Variants in CSMD1 observed in about 807,000 individuals in gnomAD.
CSMD1 encodes CUB and Sushi multiple domains 1.
CSMD1 carries 213 observed loss-of-function variants against 417.5 expected under a neutral mutation model. That is an observed-to-expected ratio of 0.51 (90% CI 0.46 to 0.57). CSMD1 has a LOEUF of 0.57. Among genes scored for constraint, CSMD1 ranks in the 20% least tolerant of loss-of-function variants. The pLI is 0.00. For synonymous variants in CSMD1, 2,862 were observed against 1,736.8 expected (o/e 1.65, Z -16.11); for missense variants, 6,923 against 4,529.7 (o/e 1.53, Z -15.17).
intron 49 of CSMD1, among the ~76,000 whole-genome samples, chr8:3,065,312 T>C (rs897365944): frequency 1.3e-4 from 19 of 149,486 alleles, no homozygotes; most frequent in Non-Finnish European, 2.4e-4. Context: ...GGTAGATAGA[T>C]AGATAGACAG....
intron 37 of CSMD1, among the ~76,000 whole-genome samples, chr8:3,175,288 T>C (rs1190224345): frequency 6.6e-6 from 1 of 152,178 alleles, no homozygotes; most frequent in Admixed American, 6.5e-5. Context: ...GTTATATTTG[T>C]TTTCTTCCAA....
intron 2 of CSMD1, among the ~76,000 whole-genome samples, chr8:4,615,700 C>T (rs73659170): frequency 0.013 from 1,962 of 152,110 alleles, 46 homozygotes; most frequent in African/African-American, 0.045. Flanking sequence ...ATAAACTGTT[C>T]TGTTAATTTT....
In CSMD1 at chr8:4,767,227, G is replaced by A. The variant is rs187576435; in HGVS notation, c.86-129669C>T. ...CCATAATTTGCAGATGTACACTGTC[G>A]AGTCCCAAATGGATGCAAGGTGAAA... On this transcript the variant is annotated intron_variant, in intron 1 of 69. Transcript: ENST00000635120. 7.6e-4 allele frequency among the ~76,000 whole-genome samples: 115 copies of A among 152,252 alleles called. No individual in the cohort carries two copies. In the East Asian group the frequency reaches 0.02, roughly 26 times the overall value.
At chr8:4,600,760 G>C (rs1248094664) in intron 2 of CSMD1, among the ~76,000 whole-genome samples, 2 of 152,104 alleles carry the variant, frequency 1.3e-5, no homozygotes, top group Non-Finnish European at 2.9e-5. Flanking sequence ...TGGGAACTAA[G>C]GCGTGAGGAT....
intron 3 of CSMD1, among the ~76,000 whole-genome samples, chr8:4,105,498 T>C (rs974890566): frequency 2.0e-5 from 3 of 152,304 alleles, no homozygotes; most frequent in Middle Eastern, 3.4e-3. Flanking sequence ...GTTCCAGAGA[T>C]GGTTCTAGGC....
At chr8:3,979,402 A>G (rs1238848605) in intron 5 of CSMD1, among the ~76,000 whole-genome samples, 1 of 152,210 alleles carries the variant, frequency 6.6e-6, no homozygotes, top group African/African-American at 2.4e-5. Flanking sequence ...GCAGCTACAG[A>G]GGCTACATGG....
intron 1 of CSMD1, among the ~76,000 whole-genome samples, chr8:4,929,414 G>T (rs922180427): frequency 1.3e-5 from 2 of 152,256 alleles, no homozygotes; most frequent in South Asian, 2.1e-4. Flanking sequence ...AGATATTCAA[G>T]AAATAGGCAT....
At chr8:4,446,868 G>A (rs1236943149) in intron 2 of CSMD1, among the ~76,000 whole-genome samples, 6 of 151,068 alleles carry the variant, frequency 4.0e-5, no homozygotes, top group Non-Finnish European at 7.4e-5. Flanking sequence ...TGATCCACCC[G>A]CCTTGGCCTC....
intron 1 of CSMD1, among the ~76,000 whole-genome samples, chr8:4,820,599 A>C (rs934927116): frequency 5.3e-5 from 8 of 152,344 alleles, no homozygotes; most frequent in African/African-American, 1.9e-4. Flanking sequence ...CAAACGGGAT[A>C]GCTTTCTGAA....
chr8:3,931,214 G>T (rs1274355634), intron 5 of CSMD1, among the ~76,000 whole-genome samples: 2 of 150,526 alleles, frequency 1.3e-5, no homozygotes, highest in African/African-American at 4.9e-5. Flanking sequence ...CTAAATAAAT[G>T]AGGTTCGGAG....
chr8:3,551,802 TG>T (rs1798927514), intron 10 of CSMD1, among the ~76,000 whole-genome samples: 2 of 152,196 alleles, frequency 1.3e-5, no homozygotes, highest in South Asian at 4.1e-4. Flanking sequence ...TCATGCTGAG[TG>T]TGACATGCAG....
chr8:3,201,716 C>G lies in CSMD1; in HGVS notation c.4994G>C (p.Gly1665Ala), dbSNP rs1797002767. The G allele has an allele frequency of 6.3e-7, 1 of 1,591,260 alleles. No homozygotes were observed. Among genetic ancestry groups the G allele is most frequent in the Non-Finnish European group, 8.6e-7 (1 of 1,166,946 alleles). Residue 1665 changes from glycine to alanine, a missense_variant, in exon 32 of 70, where the codon GGA (glycine) becomes GCA (alanine). By Grantham distance (60) the Gly-to-Ala change is moderately conservative. Transcript: ENST00000635120. ...ITVPKEFVVF[G>A]QFAYFQTALN... is the part of the protein sequence containing the mutation. ...GGCTGTCTGGAAATAGGCAAACTGT[C>G]CAAAGACCACTAAAAAATAAGAGGT... is the stretch of plus-strand genomic sequence containing the variant.
chr8:3,991,337 G>C (rs146639619), intron 5 of CSMD1, among the ~76,000 whole-genome samples: 1,533 of 152,252 alleles, frequency 0.01, 24 homozygotes, highest in African/African-American at 0.035. Flanking sequence ...GCGTAGTCTG[G>C]GATGGCCAGT....
chr8:3,387,956 TTTC>T (rs1348561541), intron 17 of CSMD1, among the ~76,000 whole-genome samples: 3 of 152,204 alleles, frequency 2.0e-5, no homozygotes, highest in Non-Finnish European at 2.9e-5. Flanking sequence ...GAATTTTACT[TTTC>T]TTCTTGGAAA....
At chr8:4,201,487 G>C (rs1799643073) in intron 3 of CSMD1, among the ~76,000 whole-genome samples, 1 of 126,578 alleles carries the variant, frequency 7.9e-6, no homozygotes, top group African/African-American at 3.0e-5. Context: ...GCAGTGAGCC[G>C]ACATAGCGCC....
chr8:4,261,250 A>C (rs1803858591), intron 3 of CSMD1, among the ~76,000 whole-genome samples: 1 of 152,194 alleles, frequency 6.6e-6, no homozygotes, highest in Non-Finnish European at 1.5e-5. Context: ...AGTAGACTCA[A>C]AAAGAACGCC....
At chr8:4,764,874 A>AGAAAAAAAAAAC (rs1812342803) in intron 1 of CSMD1, among the ~76,000 whole-genome samples, 1 of 21,238 alleles carries the variant, frequency 4.7e-5, no homozygotes, top group Admixed American at 8.8e-4. Context: ...CTCCATCTCA[A>AGAAAAAAAAAAC]AAAAAAAAAA....
intron 3 of CSMD1, among the ~76,000 whole-genome samples, chr8:4,067,394 A>C (rs1799307083): frequency 6.6e-6 from 1 of 152,202 alleles, no homozygotes. Flanking sequence ...TGGTAGAAAA[A>C]CAGTATTTCC....
chr8:3,657,224 G>T (rs1048764174), intron 7 of CSMD1, among the ~76,000 whole-genome samples: 1 of 151,926 alleles, frequency 6.6e-6, no homozygotes, highest in East Asian at 1.9e-4. Context: ...TATGCCTTGG[G>T]GTATAATCAA....
Sources: gnomAD v4.1 joint callset for allele counts (sites outside exome capture counted in the v4.1 genomes callset) on GRCh38, gnomAD v4.1.1 for gene constraint, MANE v1.5 for transcripts, NCBI Gene and HGNC (gene_info 2026-07-23, HGNC 2026-07-21) for gene names.